The following MYO1H variants were observed in gnomAD, a reference collection of about 807,000 sequenced individuals.
The protein encoded by MYO1H is unconventional myosin-Ih.
MYO1H carries 118 observed loss-of-function variants against 149.3 expected under a neutral mutation model. The ratio of observed to expected loss-of-function variants is 0.79; its 90% CI spans 0.68 to 0.92. MYO1H has a LOEUF of 0.92. Among genes scored for constraint, MYO1H ranks in the 40% least tolerant of loss-of-function variants. The pLI, the probability that MYO1H is intolerant of heterozygous loss-of-function variation, is 0.00. For missense variants in MYO1H, 1,212 were observed against 1,280.7 expected, an observed-to-expected ratio of 0.95 and a Z score of 0.82; for synonymous variants, 447 against 465.2, an observed-to-expected ratio of 0.96 and a Z score of 0.50.
intron 20 of MYO1H, among the ~76,000 whole-genome samples, chr12:109,433,398 C>G (rs1871723214): frequency 6.6e-6 from 1 of 152,188 alleles, no homozygotes; most frequent in Admixed American, 6.5e-5. Context: ...TGTAGCATCT[C>G]AGAAATGGTG....
At chr12:109,347,788 G>T (rs996720739), upstream of MYO1H, 3 of 392,646 alleles carry the variant, frequency 7.6e-6, no homozygotes, top group African/African-American at 6.2e-5. Flanking sequence ...GCCATAAGAT[G>T]CAGTTTCTGC....
chr12:109,350,580 C>T (rs907493678), intron 1 of MYO1H, among the ~76,000 whole-genome samples: 2 of 152,136 alleles, frequency 1.3e-5, no homozygotes, highest in African/African-American at 4.8e-5. Flanking sequence ...TTGTAAATTG[C>T]CCAGTCTCAA....
chr12:109,429,761 G>T (rs549902083), intron 19 of MYO1H, among the ~76,000 whole-genome samples: 22 of 151,812 alleles, frequency 1.4e-4, no homozygotes, highest in Middle Eastern at 3.7e-3. Flanking sequence ...AGGTAAGGGG[G>T]TCACTCTCTG....
At position 109,372,099 on chromosome 12, in the gene MYO1H, G is replaced by A. The variant is rs550874402; in HGVS notation, c.13-16584G>A. ...TAAATATTTTTCCTAGAATTGATTTGTCTTTTAACTCTGCTTATAATGTTT... is the reference window on the plus strand; with the variant it reads ...TAAATATTTTTCCTAGAATTGATTTATCTTTTAACTCTGCTTATAATGTTT... On this transcript the variant is annotated intron_variant, in intron 1 of 31. Coordinates refer to ENST00000310903, the Ensembl canonical transcript of MYO1H. 8.3e-4 allele frequency among the ~76,000 whole-genome samples: 127 copies of A among 152,128 alleles called. 1 individual carries two copies. Among genetic ancestry groups the A allele is most frequent in the African/African-American group, 2.9e-3 (122 of 41,532 alleles).
At chr12:109,332,438 G>A in the MYO1H span, among the ~76,000 whole-genome samples, 4 of 152,158 alleles carry the variant, frequency 2.6e-5, no homozygotes, top group Non-Finnish European at 5.9e-5. Flanking sequence ...CTTCCTAGGG[G>A]CAGACATCCT....
At chr12:109,358,970 A>T (rs1223063089) in intron 1 of MYO1H, among the ~76,000 whole-genome samples, 1 of 151,934 alleles carries the variant, frequency 6.6e-6, no homozygotes, top group East Asian at 1.9e-4. Context: ...CAAGGAATAT[A>T]CACCCAGCCC....
intron 20 of MYO1H, among the ~76,000 whole-genome samples, chr12:109,434,301 C>T (rs752859483): frequency 5.3e-5 from 8 of 152,138 alleles, no homozygotes; most frequent in South Asian, 4.1e-4. Flanking sequence ...TGAGCCACCG[C>T]GCCCAGCGTG....
intron 15 of MYO1H, among the ~76,000 whole-genome samples, chr12:109,418,441 C>T (rs1160169267): frequency 4.6e-5 from 7 of 151,738 alleles, no homozygotes; most frequent in Admixed American, 3.3e-4. Context: ...CTCTGCCTCC[C>T]GGGGTTCAAG....
chr12:109,434,035 GAC>G (rs1871752597), intron 20 of MYO1H, among the ~76,000 whole-genome samples: 1 of 151,990 alleles, frequency 6.6e-6, no homozygotes, highest in Non-Finnish European at 1.5e-5. Flanking sequence ...TATTTTTTGA[GAC>G]AGAGTCTTGC....
At chr12:109,372,421 T>C (rs957828098) in intron 1 of MYO1H, among the ~76,000 whole-genome samples, 2 of 152,116 alleles carry the variant, frequency 1.3e-5, no homozygotes, top group Non-Finnish European at 2.9e-5. Flanking sequence ...TCACACTTTT[T>C]AGATGACATT....
At chr12:109,435,348 C>CCAGTTCTT (rs397809135) in intron 21 of MYO1H, among the ~76,000 whole-genome samples, 6 of 152,026 alleles carry the variant, frequency 3.9e-5, no homozygotes, top group African/African-American at 1.2e-4. Flanking sequence ...TTTCAGTTCT[C>CCAGTTCTT]GTTTGGATCA....
In MYO1H at chr12:109,353,393, C is replaced by CAAAAAAAAAAAAAAA. The variant is rs55927192; in HGVS notation, c.12+5433_12+5447dup. ...TGGGTGACAGAGCGAGACTCCGTCT[C>CAAAAAAAAAAAAAAA]AAAAAAAAAAAAAAAAAAAAAAAAA... On this transcript the variant is annotated intron_variant, in intron 1 of 31. Transcript: ENST00000310903. 3.3e-3 allele frequency among the ~76,000 whole-genome samples: 258 copies of CAAAAAAAAAAAAAAA among 79,258 alleles called. 17 individuals are homozygous for CAAAAAAAAAAAAAAA. The highest frequency in any genetic ancestry group is 8.3e-3 in the South Asian group (13 of 1,564). 52.0% of individuals were successfully genotyped at this position (79,258 alleles called of 152,430 possible).
At chr12:109,321,975 A>G in the MYO1H span, among the ~76,000 whole-genome samples, 1 of 152,180 alleles carries the variant, frequency 6.6e-6, no homozygotes, top group South Asian at 2.1e-4. Context: ...CCCAAAGGGA[A>G]CACATCTGAA....
At chr12:109,310,980 A>C in the MYO1H span, among the ~76,000 whole-genome samples, 2 of 152,366 alleles carry the variant, frequency 1.3e-5, no homozygotes, top group African/African-American at 4.8e-5. Context: ...TGAATGACAT[A>C]TAATTAATTC....
chr12:109,360,033 A>G (rs1868708308), intron 1 of MYO1H, among the ~76,000 whole-genome samples: 1 of 151,786 alleles, frequency 6.6e-6, no homozygotes, highest in Non-Finnish European at 1.5e-5. Context: ...CTTGGAGCCT[A>G]TTTCTTAGGA....
chr12:109,326,081 G>A, the MYO1H span, among the ~76,000 whole-genome samples: 2 of 152,156 alleles, frequency 1.3e-5, no homozygotes, highest in African/African-American at 4.8e-5. Flanking sequence ...GTGGTCCAAG[G>A]AGACTGCTAT....
chr12:109,316,263 A>G, the MYO1H span, among the ~76,000 whole-genome samples: 1 of 152,156 alleles, frequency 6.6e-6, no homozygotes, highest in South Asian at 2.1e-4. Context: ...TTTCACTGCA[A>G]ACAGCTTTAT....
rs796660212 is a variant in MYO1H at position 109,443,346 on chromosome 12, G to A, written c.2689-168G>A. Among the ~76,000 whole-genome samples the A allele has an allele frequency of 1.9e-4, 23 of 118,236 alleles. 2 individuals are homozygous for A. The South Asian group carries it at 6.1e-3, about 31-fold the overall frequency. 77.6% of individuals were successfully genotyped at this position (118,236 alleles called of 152,430 possible). On this transcript the variant is annotated intron_variant, in intron 27 of 31. Coordinates refer to ENST00000310903, the Ensembl canonical transcript of MYO1H. ...TGTGTATGTATGTGTACGTATATATGTGTGTATATACACACACACACACAC... is the reference window on the plus strand; with the variant it reads ...TGTGTATGTATGTGTACGTATATATATGTGTATATACACACACACACACAC...
At chr12:109,436,182 G>A (rs1338815205) in intron 21 of MYO1H, among the ~76,000 whole-genome samples, 2 of 152,096 alleles carry the variant, frequency 1.3e-5, no homozygotes, top group Admixed American at 6.5e-5. Flanking sequence ...CTTGTGGGGT[G>A]GCGTATGAGA....
Sources: gnomAD v4.1 joint callset for allele counts (sites outside exome capture counted in the v4.1 genomes callset) on GRCh38, gnomAD v4.1.1 for gene constraint, MANE v1.5 for transcripts, NCBI Gene and HGNC (gene_info 2026-07-23, HGNC 2026-07-21) for gene names.